The following PPL variants were observed in gnomAD, a reference collection of about 807,000 sequenced individuals.
PPL encodes 190 kDa paraneoplastic pemphigus antigen.
Under a neutral mutation model 194.4 loss-of-function variants are expected in PPL, and 198 were observed. That is an observed-to-expected ratio of 1.02 (90% confidence interval 0.91 to 1.15). The LOEUF (loss-of-function observed/expected upper bound fraction) is 1.15, where lower values mean the gene tolerates loss of function less well. PPL is among the 50% of genes most tolerant of loss of function. The pLI, the probability that PPL is intolerant of heterozygous loss-of-function variation, is 0.00. For missense variants in PPL, 2,885 were observed against 2,294.8 expected, an observed-to-expected ratio of 1.26 and a Z score of -5.25; for synonymous variants, 1,220 against 972.4, an observed-to-expected ratio of 1.25 and a Z score of -4.74.
At chr16:4,927,961 C>T (rs1192280766) in intron 1 of PPL, among the ~76,000 whole-genome samples, 1 of 152,226 alleles carries the variant, frequency 6.6e-6, no homozygotes, top group Non-Finnish European at 1.5e-5. Flanking sequence ...ATAAAATTAG[C>T]TGGGCATGGT....
intron 1 of PPL, among the ~76,000 whole-genome samples, chr16:4,921,004 C>T (rs935706994): frequency 6.6e-6 from 1 of 152,186 alleles, no homozygotes; most frequent in African/African-American, 2.4e-5. Context: ...GCCCCCTCAG[C>T]CTTGTTGACG....
At position 4,900,917 on chromosome 16, in the gene PPL, C is replaced by A. The variant is rs924836329; in HGVS notation, c.565-46G>T. On this transcript the variant is annotated intron_variant, in intron 5 of 21. Coordinates refer to ENST00000345988, the MANE Select transcript of PPL (RefSeq NM_002705.5). ...ATGGGTCAGGGCCAGGAAGCAGGCG[C>A]GGCCCCCTCCATCCCTGGGTCCCCA... The A allele has an allele frequency of 3.1e-6, 5 of 1,614,010 alleles. No homozygotes were observed. In the East Asian group the frequency reaches 1.1e-4, roughly 36 times the overall value.
chr16:4,903,925 T>C lies in PPL; in HGVS notation c.278A>G (p.Lys93Arg). The C allele has an allele frequency of 1.2e-6, 2 of 1,614,100 alleles. No individual in the cohort carries two copies. The highest frequency in any genetic ancestry group is 1.7e-6 in the Non-Finnish European group (2 of 1,180,034). The change falls in exon 3 of 22, where the codon AAG becomes AGG. Residue 93 changes from lysine to arginine, a missense_variant. Lys to Arg is a conservative substitution (Grantham distance 26). Coordinates refer to ENST00000345988, the MANE Select transcript of PPL (RefSeq NM_002705.5). Reference protein sequence around the residue: ...YVLEADAAIAKHMKHPQGDMI... With the variant: ...YVLEADAAIARHMKHPQGDMI... ...GTCCCCCTGTGGGTGCTTCATGTGC[T>C]TGGCAATGGCCGCATCCGCCTCTAG...
chr16:4,920,391 A>C (rs961888606), intron 1 of PPL, among the ~76,000 whole-genome samples: 1 of 115,638 alleles, frequency 8.6e-6, no homozygotes, highest in Admixed American at 9.2e-5. Context: ...GTCAAATTTC[A>C]AAGACACCTT....
At chr16:4,887,606 C>G (rs1175744062) in intron 20 of PPL, among the ~76,000 whole-genome samples, 1 of 152,116 alleles carries the variant, frequency 6.6e-6, no homozygotes, top group Non-Finnish European at 1.5e-5. Flanking sequence ...GCTGCATTTT[C>G]AAAAATTTTT....
At chr16:4,913,420 G>A (rs2088858307) in intron 1 of PPL, among the ~76,000 whole-genome samples, 1 of 152,164 alleles carries the variant, frequency 6.6e-6, no homozygotes, top group African/African-American at 2.4e-5. Flanking sequence ...GGGTGGCAGG[G>A]GTTATGAATG....
At chr16:4,889,983 G>A (rs1056739483) in intron 18 of PPL, among the ~76,000 whole-genome samples, 1 of 152,254 alleles carries the variant, frequency 6.6e-6, no homozygotes, top group Admixed American at 6.5e-5. Context: ...ACTGAGCTGG[G>A]AGAGGTGAGC....
chr16:4,902,486 T>TC lies in PPL; in HGVS notation c.357dup (p.Lys120GlufsTer38), dbSNP rs748787289. On this transcript the variant is annotated frameshift_variant, in exon 4 of 22. Transcript: ENST00000345988. LOFTEE classifies it high-confidence loss of function. The surrounding 1 kb of genome is among the most constrained non-coding windows in gnomAD (Gnocchi z 4.0). ...GCCAGCCTGTAGATCTGCTTGTGTT[T>TC]CCCGCGCAGGTTGGTCACACGCTCC... 6 of 1,613,914 alleles carry TC rather than the reference T, an allele frequency of 3.7e-6. No homozygotes were observed. Among genetic ancestry groups the TC allele is most frequent in the Non-Finnish European group, 5.1e-6 (6 of 1,179,914 alleles).
rs183466220 is a variant in PPL at position 4,882,835 on chromosome 16, T to G, written c.*549A>C. 5.0e-5 allele frequency: 8 copies of G among 158,610 alleles called. No individual in the cohort carries two copies. Among genetic ancestry groups the G allele is most frequent in the Non-Finnish European group, 6.9e-5 (5 of 72,604 alleles). 9.8% of individuals were successfully genotyped at this position (158,610 alleles called of 1,614,324 possible). ...GAGGGCTGGACACTTGTGGTTTCTGTTCACCTTTCCTGGCTTGGAGCCCAG... is the reference window on the plus strand; with the variant it reads ...GAGGGCTGGACACTTGTGGTTTCTGGTCACCTTTCCTGGCTTGGAGCCCAG... On this transcript the variant is annotated 3_prime_UTR_variant, in exon 22 of 22. Transcript: ENST00000345988.
chr16:4,913,014 G>A (rs146582460), intron 1 of PPL, among the ~76,000 whole-genome samples: 14,294 of 152,040 alleles, frequency 0.094, 963 homozygotes, highest in East Asian at 0.26. Context: ...TGAGGCAGGA[G>A]AACTGCTTGA....
chr16:4,897,615 T>G (rs960479361), intron 9 of PPL, 60 bp downstream of exon 9: 2 of 1,376,194 alleles, frequency 1.5e-6, no homozygotes, highest in Non-Finnish European at 1.0e-6. Context: ...AGGTAGGCAC[T>G]GAGCGCTCTC....
At chr16:4,919,111 C>T (rs1303519999) in intron 1 of PPL, among the ~76,000 whole-genome samples, 2 of 152,180 alleles carry the variant, frequency 1.3e-5, no homozygotes, top group African/African-American at 2.4e-5. Flanking sequence ...GAGTGACAGC[C>T]GAGGGTACAC....
chr16:4,924,401 T>G lies in PPL; in HGVS notation c.62+12583A>C, dbSNP rs372209392. ...ATAGGACTGCGAGATTCTAGGTGATTCTGGGGCACCCGGACCTGCTTTGCT... is the reference window on the plus strand; with the variant it reads ...ATAGGACTGCGAGATTCTAGGTGATGCTGGGGCACCCGGACCTGCTTTGCT... On this transcript the variant is annotated intron_variant, in intron 1 of 21. Transcript: ENST00000345988. 9.2e-5 allele frequency among the ~76,000 whole-genome samples: 14 copies of G among 152,254 alleles called. No homozygotes were observed. The East Asian group carries it at 2.3e-3, about 25-fold the overall frequency.
intron 1 of PPL, among the ~76,000 whole-genome samples, chr16:4,911,417 C>T (rs553903306): frequency 1.3e-5 from 2 of 152,244 alleles, no homozygotes; most frequent in South Asian, 4.1e-4. Flanking sequence ...CTATCTTGGC[C>T]TCCCAAAGTG....
rs1341307958 is a variant in PPL, at chr16:4,902,714, G to C, written c.318-188C>G. Among the ~76,000 whole-genome samples, 3 of 148,592 alleles carry C rather than the reference G, an allele frequency of 2.0e-5. No individual in the cohort carries two copies. Among genetic ancestry groups the C allele is most frequent in the Admixed American group, 2.0e-4 (3 of 14,948 alleles). Reference sequence around the variant, plus strand: ...GCACTTTTTTTTTTTTTTTGAGACAGAGTCTTGCTCTGTCACCCAGGCTGG... The same window carrying C: ...GCACTTTTTTTTTTTTTTTGAGACACAGTCTTGCTCTGTCACCCAGGCTGG... On this transcript the variant is annotated intron_variant, in intron 3 of 21. Transcript: ENST00000345988. This position sits in a 1 kb window ranked among gnomAD's most constrained non-coding sequence, Gnocchi z 4.0.
Position 4,900,973 on chromosome 16 carries a change from G to A in PPL, c.555C>T (p.Asp185=), listed in dbSNP as rs373403364. ...VKAIGPHLAK[D]GDKEQNSELR... is the part of the protein sequence containing the mutation. Reference sequence around the variant, plus strand: ...CCAGCACACGCCCCACCTTGTCCCCGTCCTTGGCCAGGTGGGGCCCGATGG... The same window carrying A: ...CCAGCACACGCCCCACCTTGTCCCCATCCTTGGCCAGGTGGGGCCCGATGG... The change falls in exon 5 of 22, where the codon GAC becomes GAT. Residue 185 remains aspartate (D), a synonymous_variant. Transcript: ENST00000345988. 1.4e-5 allele frequency: 22 copies of A among 1,613,976 alleles called. No homozygotes were observed. The highest frequency in any genetic ancestry group is 6.7e-5 in the East Asian group (3 of 44,870).
chr16:4,890,977 C>G, intron 16 of PPL, 56 bp from the exon 17 acceptor site: 1 of 1,432,164 alleles, frequency 7.0e-7, no homozygotes, highest in Non-Finnish European at 9.3e-7. Context: ...CAGAGCCAGG[C>G]GATGACACCC....
At position 4,890,824 on chromosome 16, in the gene PPL, C is replaced by T. The variant is rs143001094; in HGVS notation, c.2066G>A (p.Arg689His). 1.1e-3 allele frequency: 1,697 copies of T among 1,587,336 alleles called. 26 individuals carry two copies. The East Asian group carries it at 0.031, about 29-fold the overall frequency. Reference sequence around the variant, plus strand: ...CAGGTCCGGACAGTGCTCCTGGAAGCGGCTGGCCAGTGTGCTCGAGCACTG... The same window carrying T: ...CAGGTCCGGACAGTGCTCCTGGAAGTGGCTGGCCAGTGTGCTCGAGCACTG... ...AKQCSSTLAS[R>H]FQEHCPDLER... The change falls in exon 17 of 22, where the codon CGC becomes CAC. Residue 689 changes from arginine to histidine, a missense_variant. Physicochemically the swap from Arg to His is conservative, Grantham distance 29. Coordinates refer to ENST00000345988, the MANE Select transcript of PPL (RefSeq NM_002705.5).
intron 12 of PPL, 39 bp from the exon 13 acceptor site, chr16:4,893,677 A>AC: frequency 6.6e-7 from 1 of 1,516,184 alleles, no homozygotes; most frequent in Non-Finnish European, 8.9e-7. Flanking sequence ...TGGGCAGCCC[A>AC]CCACCCCCTG....
Sources: gnomAD v4.1 joint callset for allele counts (sites outside exome capture counted in the v4.1 genomes callset) on GRCh38, gnomAD v4.1.1 for gene constraint, Gnocchi (gnomAD v3.1) non-coding constraint, MANE v1.5 for transcripts, NCBI Gene and HGNC (gene_info 2026-07-23, HGNC 2026-07-21) for gene names.